BRCA1: variants seen among roughly 807,000 people sequenced by gnomAD.
BRCA1 encodes the protein BRCA1 DNA repair associated, also known as breast cancer type 1 susceptibility protein.
In BRCA1, 140 loss-of-function variants were observed where a neutral mutation model predicts 173.7. That is an observed-to-expected ratio of 0.81 (90% CI 0.70 to 0.93). The LOEUF is 0.93. Among genes scored for constraint, BRCA1 ranks in the 40% least tolerant of loss-of-function variants. BRCA1 has a pLI of 0.00. For synonymous variants in BRCA1, 662 were observed against 756.0 expected (o/e 0.88, Z 2.04); for missense variants, 1,983 against 2,172.5 (o/e 0.91, Z 1.73).
At chr17:43,135,650 G>A (rs1156996441) in intron 1 of BRCA1, among the ~76,000 whole-genome samples, 2 of 152,146 alleles carry the variant, frequency 1.3e-5, no homozygotes, top group Admixed American at 6.5e-5. Flanking sequence ...ATAGGGCGGC[G>A]CCAGACCCTC....
chr17:43,083,792 T>C (rs1199074867), intron 11 of BRCA1, among the ~76,000 whole-genome samples: 1 of 152,218 alleles, frequency 6.6e-6, no homozygotes, highest in Non-Finnish European at 1.5e-5. Context: ...GTGTGCTAAG[T>C]CCAAGTATTT....
At chr17:43,079,869 C>G (rs1424624632) in intron 12 of BRCA1, 4 of 662,482 alleles carry the variant, frequency 6.0e-6, no homozygotes, top group Non-Finnish European at 1.1e-5. Context: ...ATATAAATTC[C>G]TCTTCTTACT....
intron 19 of BRCA1, among the ~76,000 whole-genome samples, chr17:43,051,371 G>A (rs147307888): frequency 1.3e-5 from 2 of 152,232 alleles, no homozygotes; most frequent in African/African-American, 4.8e-5. Flanking sequence ...GGCATTCTTT[G>A]TCATTCAAGG....
intron 1 of BRCA1, among the ~76,000 whole-genome samples, chr17:43,147,008 CTTT>C: frequency 6.9e-6 from 1 of 144,836 alleles, no homozygotes; most frequent in East Asian, 2.0e-4. Context: ...AGCCTCATGG[CTTT>C]TTTTTTTTTT....
At chr17:43,119,303 GA>G in intron 2 of BRCA1, 1 of 218,194 alleles carries the variant, frequency 4.6e-6, no homozygotes, top group Non-Finnish European at 9.2e-6. Flanking sequence ...AGGATCACAA[GA>G]AAAGCTTGTG....
chr17:43,114,850 T>G (rs2055190310), intron 3 of BRCA1, among the ~76,000 whole-genome samples: 1 of 152,220 alleles, frequency 6.6e-6, no homozygotes, highest in African/African-American at 2.4e-5. Context: ...AAAGCCCACT[T>G]GTTCTACTAA....
At chr17:43,138,390 C>G in intron 1 of BRCA1, 1 of 528,958 alleles carries the variant, frequency 1.9e-6, no homozygotes, top group South Asian at 2.1e-5. Context: ...CCAATCAACT[C>G]AGGGCATGGT....
chr17:43,144,303 T>C, intron 1 of BRCA1: 3 of 277,328 alleles, frequency 1.1e-5, no homozygotes, highest in South Asian at 3.0e-5. Context: ...CATTCATGCA[T>C]GGGCTTGAGG....
At chr17:43,129,220 A>T (rs2055944221), upstream of BRCA1, among the ~76,000 whole-genome samples, 1 of 152,216 alleles carries the variant, frequency 6.6e-6, no homozygotes, top group African/African-American at 2.4e-5. Flanking sequence ...GGTTAACCAT[A>T]GCTTTCGTGT....
intron 1 of BRCA1, among the ~76,000 whole-genome samples, chr17:43,136,826 A>G (rs79345851): frequency 0.45 from 68,698 of 152,068 alleles, 17,288 homozygotes; most frequent in African/African-American, 0.69. Context: ...CTTTTACGCC[A>G]TTGGTGGGAC....
rs1472194405 is a variant in BRCA1 at position 43,091,981 on chromosome 17, C to T, written c.3550G>A (p.Gly1184Arg). 1 of 1,614,124 alleles carries T rather than the reference C, an allele frequency of 6.2e-7. No homozygotes were observed. The highest frequency in any genetic ancestry group is 1.7e-5 in the Admixed American group (1 of 60,014). ...SAVFSKSVQK[G>R]ELSRSPSPFT... ...GGGCTAGGACTCCTGCTAAGCTCTC[C>T]TTTCTGGACGCTTTTGCTAAAAACA... The change falls in exon 10 of 23, where the codon GGA becomes AGA. Residue 1184 changes from glycine (G) to arginine (R), a missense_variant. Transcript: ENST00000357654.
rs764503776 is a variant in BRCA1 at position 43,076,645 on chromosome 17, T to C, written c.4358-31A>G. 1 of 1,608,946 alleles carries C rather than the reference T, an allele frequency of 6.2e-7. No homozygotes were observed. Among genetic ancestry groups the C allele is most frequent in the Admixed American group, 1.7e-5 (1 of 60,000 alleles). On this transcript the variant is annotated intron_variant, in intron 12 of 22. Transcript: ENST00000357654. ...AATGGAATGAGAAAACAAATCTACT[T>C]TACTGCTTTGTTCTGATAGTGATAA...
Position 43,092,035 on chromosome 17 carries a change from C to G in BRCA1, c.3496G>C (p.Ala1166Pro), listed in dbSNP as rs745418679. 1 of 1,614,062 alleles carries G rather than the reference C, an allele frequency of 6.2e-7. No individual in the cohort carries two copies. The highest frequency in any genetic ancestry group is 8.5e-7 in the Non-Finnish European group (1 of 1,180,026). ...GAACTTTCCTTAATGTCATTTTCAG[C>G]AAAACTAGTATCTTCCTTTATTTCA... ...DGEIKEDTSFAENDIKESSAV... is the reference protein window; with the variant it reads ...DGEIKEDTSFPENDIKESSAV... Residue 1166 changes from alanine (A) to proline (P), a missense_variant, in exon 10 of 23, where the codon GCT becomes CCT. Ala to Pro is a conservative substitution (Grantham distance 27). Coordinates refer to ENST00000357654, the MANE Select transcript of BRCA1 (RefSeq NM_007294.4).
At chr17:43,165,500 A>G (rs1327148392) in intron 1 of BRCA1, among the ~76,000 whole-genome samples, 1 of 150,160 alleles carries the variant, frequency 6.7e-6, no homozygotes, top group Non-Finnish European at 1.5e-5. Context: ...TTTTTTCAAC[A>G]GTTTTACATT....
chr17:43,131,242 TA>T, intron 1 of BRCA1: 1 of 365,976 alleles, frequency 2.7e-6, no homozygotes, highest in Non-Finnish European at 5.9e-6. Flanking sequence ...AGTATTAAAA[TA>T]AAATACCTGG....
At chr17:43,048,022 G>T (rs2051010574) in intron 21 of BRCA1, among the ~76,000 whole-genome samples, 1 of 151,786 alleles carries the variant, frequency 6.6e-6, no homozygotes, top group Non-Finnish European at 1.5e-5. Flanking sequence ...TCACCCCCGG[G>T]ATTATAGGCA....
At chr17:43,110,604 AG>A in intron 3 of BRCA1, 1 of 388,550 alleles carries the variant, frequency 2.6e-6, no homozygotes, top group Non-Finnish European at 5.1e-6. Flanking sequence ...AAAAAAAAAA[AG>A]TAGCTGTTGA....
chr17:43,094,371 G>A lies in BRCA1; in HGVS notation c.1160C>T (p.Ser387Phe). The A allele has an allele frequency of 6.2e-7, 1 of 1,614,120 alleles. No individual in the cohort carries two copies. Among genetic ancestry groups the A allele is most frequent in the Non-Finnish European group, 8.5e-7 (1 of 1,180,024 alleles). Reference sequence around the variant, plus strand: ...AGAACCTAACAGTTCATCACTTCTGGAAAACCACTCATTAACTTTCTGAAT... The same window carrying A: ...AGAACCTAACAGTTCATCACTTCTGAAAAACCACTCATTAACTTTCTGAAT... ...SSIQKVNEWF[S>F]RSDELLGSDD... is the part of the protein sequence containing the mutation. The change falls in exon 10 of 23, where the codon TCC becomes TTC. Residue 387 changes from serine (S) to phenylalanine (F), a missense_variant. Coordinates refer to ENST00000357654, the MANE Select transcript of BRCA1 (RefSeq NM_007294.4).
rs1567807881 is a variant in BRCA1 at position 43,100,690 on chromosome 17, T to TATATATAATATA, written c.442-811_442-810insTATATTATATAT. ...TATATATATATATAATATATATATA[T>TATATATAATATA]ATATATATATATGTAATCCCAGCAC... On this transcript the variant is annotated intron_variant, in intron 6 of 22. Coordinates refer to ENST00000357654, the MANE Select transcript of BRCA1 (RefSeq NM_007294.4). Among the ~76,000 whole-genome samples, 23 of 94,226 alleles carry TATATATAATATA rather than the reference T, an allele frequency of 2.4e-4. 2 individuals are homozygous for TATATATAATATA. Among genetic ancestry groups the TATATATAATATA allele is most frequent in the African/African-American group, 1.2e-3 (22 of 18,686 alleles). The allele number at this position is 94,226 out of a possible 152,430, so 61.8% of individuals were successfully genotyped here. A position where few individuals can be genotyped will look rare whatever the true frequency, so the allele number is the denominator to read the frequency against.
Sources: allele counts gnomAD v4.1 joint callset (sites outside exome capture counted in the v4.1 genomes callset), GRCh38; gene constraint gnomAD v4.1.1; transcripts MANE v1.5; gene names NCBI Gene and HGNC (gene_info 2026-07-23, HGNC 2026-07-21).